The following CARD8 variants were observed in gnomAD, a reference collection of about 807,000 sequenced individuals.
CARD8 encodes the protein caspase recruitment domain family member 8, also known as caspase recruitment domain-containing protein 8.
CARD8 carries 38 observed loss-of-function variants against 53.2 expected under a neutral mutation model. That is an observed-to-expected ratio of 0.71 (90% confidence interval 0.55 to 0.94). The LOEUF (loss-of-function observed/expected upper bound fraction) is 0.94, where lower values mean the gene tolerates loss of function less well. Ranked by LOEUF, CARD8 falls within the 40% of genes least tolerant of loss-of-function variation. CARD8 has a pLI of 0.00. For missense variants in CARD8, 561 were observed against 655.5 expected (o/e 0.86, Z 1.57); for synonymous variants, 245 against 244.9 (o/e 1.00, Z 0.00).
intron 3 of CARD8, among the ~76,000 whole-genome samples, chr19:48,241,417 G>A (rs558585455): frequency 2.9e-4 from 44 of 152,210 alleles, no homozygotes; most frequent in Middle Eastern, 3.4e-3. Flanking sequence ...CACCATACCC[G>A]GCTAATTTTT....
intron 5 of CARD8, 159 bp downstream of exon 5, chr19:48,238,224 T>C (rs542360630): frequency 7.6e-7 from 1 of 1,316,550 alleles, no homozygotes; most frequent in Non-Finnish European, 1.0e-6. Flanking sequence ...ATACAAACTC[T>C]TTTGAAATAA....
chr19:48,234,341 T>G (rs1011829548), intron 6 of CARD8, 62 bp downstream of exon 6: 2 of 1,504,766 alleles, frequency 1.3e-6, no homozygotes, highest in Non-Finnish European at 1.8e-6. Flanking sequence ...CTAATTCTCA[T>G]GTTCCTCTGT....
At chr19:48,250,158 A>G (rs553391777) in intron 1 of CARD8, among the ~76,000 whole-genome samples, 2 of 152,246 alleles carry the variant, frequency 1.3e-5, no homozygotes, top group South Asian at 4.1e-4. Flanking sequence ...CCTAAAGGAA[A>G]CAGTGTTTAT....
At position 48,230,839 on chromosome 19, in the gene CARD8, A is replaced by C. The variant is rs1262194357; in HGVS notation, c.710T>G (p.Val237Gly). 4 of 1,614,188 alleles carry C rather than the reference A, an allele frequency of 2.5e-6. No homozygotes were observed. The highest frequency in any genetic ancestry group is 3.4e-6 in the Non-Finnish European group (4 of 1,180,032). The part of the protein sequence containing the change: ...QWLVGGPLFD[V>G]TAEPEEAVAE... The stretch of plus-strand genomic sequence containing the variant: ...GACAGCCTCCTCTGGCTCTGCAGTG[A>C]CATCAAACAAGGGGCCGCCCACCAG... Residue 237 changes from valine to glycine, a missense_variant, in exon 9 of 14, where the codon GTC (valine) becomes GGC (glycine). Physicochemically the swap from Val to Gly is moderately radical, Grantham distance 109. Coordinates refer to ENST00000651546, the MANE Select transcript of CARD8 (RefSeq NM_001184900.3).
downstream of CARD8, among the ~76,000 whole-genome samples, chr19:48,207,734 G>GGTTTTTTTTTTTTT (rs1555790115): frequency 8.6e-6 from 1 of 116,552 alleles, no homozygotes; most frequent in African/African-American, 3.7e-5. Flanking sequence ...TTGTTTTTCT[G>GGTTTTTTTTTTTTT]TTTTTTTTTT....
intron 3 of CARD8, among the ~76,000 whole-genome samples, chr19:48,248,142 A>C (rs1028246583): frequency 6.6e-6 from 1 of 152,228 alleles, no homozygotes; most frequent in Non-Finnish European, 1.5e-5. Flanking sequence ...CATTCTTTAA[A>C]GTTCAAATAC....
Position 48,211,964 on chromosome 19 carries a change from C to G in CARD8, c.1360G>C (p.Val454Leu). 6.2e-7 allele frequency: 1 copy of G among 1,613,922 alleles called. No homozygotes were observed. Reference protein sequence around the residue: ...APPPFSGAAFVKENHRQLQAR... With the variant: ...APPPFSGAAFLKENHRQLQAR... ...TGGAGTTGCCGGTGGTTCTCCTTCA[C>G]AAAGGCTGCACCTGGATGAAAGGGG... is the stretch of plus-strand genomic sequence containing the variant. Residue 454 changes from valine (V) to leucine (L), a missense_variant, in exon 14 of 14, where the codon GTG (valine) becomes CTG (leucine). Transcript: ENST00000651546.
chr19:48,248,963 C>T (rs1009119255), intron 3 of CARD8, among the ~76,000 whole-genome samples: 3 of 152,134 alleles, frequency 2.0e-5, no homozygotes, highest in African/African-American at 7.2e-5. Context: ...TTTGGGAGGC[C>T]GAGGCGGGCG....
intron 12 of CARD8, among the ~76,000 whole-genome samples, chr19:48,216,452 GA>G (rs1787098215): frequency 6.6e-6 from 1 of 152,228 alleles, no homozygotes; most frequent in African/African-American, 2.4e-5. Context: ...AGGAGGCGGG[GA>G]GGGTGCATGT....
intron 13 of CARD8, among the ~76,000 whole-genome samples, chr19:48,212,552 A>G (rs767341718): frequency 2.0e-5 from 3 of 152,216 alleles, no homozygotes; most frequent in Admixed American, 6.5e-5. Flanking sequence ...TGGCCAAATC[A>G]TATTACTTCC....
At chr19:48,206,453 G>A, downstream of CARD8, 1 of 459,986 alleles carries the variant, frequency 2.2e-6, no homozygotes, top group South Asian at 1.5e-5. Flanking sequence ...GTAACCAAGG[G>A]TTAAGGCACA....
chr19:48,225,017 T>C (rs1183215395), intron 10 of CARD8, among the ~76,000 whole-genome samples: 1 of 151,506 alleles, frequency 6.6e-6, no homozygotes, highest in Admixed American at 6.6e-5. Flanking sequence ...CCTCCCAAAG[T>C]CCTGGGATTA....
Position 48,232,371 on chromosome 19 carries a change from T to G in CARD8, c.391+82A>C, listed in dbSNP as rs907766846. ...CACTCCTGATCTGCACAAAAGACTC[T>G]AAATTGTCTTCTTCACATAAAATCA... On this transcript the variant is annotated intron_variant, in intron 7 of 13. Transcript: ENST00000651546. 7 of 1,320,490 alleles carry G rather than the reference T, an allele frequency of 5.3e-6. No individual in the cohort carries two copies. The African/African-American group carries it at 8.7e-5, about 16-fold the overall frequency. 81.8% of individuals were successfully genotyped at this position (1,320,490 alleles called of 1,614,324 possible).
Position 48,245,743 on chromosome 19 carries a change from T to C in CARD8, c.-44+3780A>G, listed in dbSNP as rs190244882. On this transcript the variant is annotated intron_variant, in intron 3 of 13. Transcript: ENST00000651546. The stretch of plus-strand genomic sequence containing the variant: ...CCAGCTTATCTGAATGTTAGCTATA[T>C]ATAATTGTATTATATATAAAATAAT... 5.6e-3 allele frequency among the ~76,000 whole-genome samples: 836 copies of C among 149,442 alleles called. 7 individuals carry two copies. Among genetic ancestry groups the C allele is most frequent in the African/African-American group, 0.018 (753 of 41,074 alleles).
intron 3 of CARD8, among the ~76,000 whole-genome samples, chr19:48,242,917 G>A (rs567913684): frequency 6.6e-6 from 1 of 152,186 alleles, no homozygotes; most frequent in South Asian, 2.1e-4. Context: ...GTTATTATGG[G>A]CCTTTTGAAA....
chr19:48,211,857 C>T lies in CARD8; in HGVS notation c.1467G>A (p.Val489=). 2 of 1,614,162 alleles carry T rather than the reference C, an allele frequency of 1.2e-6. No homozygotes were observed. ...TGCTCTGCCGTGTCTTTTCCTGCTC[C>T]ACCAGCTCCTTCTCATTCTCAGTAA... The part of the protein sequence containing the change: ...EVLTENEKEL[V]EQEKTRQSKN... Residue 489 remains valine (V), a synonymous_variant, in exon 14 of 14, where the codon GTG becomes GTA. Coordinates refer to ENST00000651546, the MANE Select transcript of CARD8 (RefSeq NM_001184900.3).
rs1381592825 is a variant in CARD8, at chr19:48,212,027, C to T, written c.1349-52G>A. 5 of 1,561,644 alleles carry T rather than the reference C, an allele frequency of 3.2e-6. No homozygotes were observed. In the Admixed American group the frequency reaches 7.1e-5, roughly 22 times the overall value. The stretch of plus-strand genomic sequence containing the variant: ...TTGAGAATCGTTCACTTACAGGATT[C>T]AGGATCTATACCAAGCTTAGAGTCA... On this transcript the variant is annotated intron_variant, in intron 13 of 13. Transcript: ENST00000651546.
intron 10 of CARD8, among the ~76,000 whole-genome samples, chr19:48,222,414 G>A (rs1297862998): frequency 2.0e-5 from 3 of 152,212 alleles, no homozygotes; most frequent in Non-Finnish European, 4.4e-5. Context: ...TAAGCAGCCA[G>A]GCACGGTGGT....
At chr19:48,205,975 G>A (rs1599953606), downstream of CARD8, among the ~76,000 whole-genome samples, 1 of 152,174 alleles carries the variant, frequency 6.6e-6, no homozygotes, top group East Asian at 1.9e-4. Flanking sequence ...TTGGCTCACT[G>A]CAACCTCCAC....
Sources: allele counts gnomAD v4.1 joint callset (sites outside exome capture counted in the v4.1 genomes callset), GRCh38; gene constraint gnomAD v4.1.1; transcripts MANE v1.5; gene names NCBI Gene and HGNC (gene_info 2026-07-23, HGNC 2026-07-21).